The following S100A8 variants were observed in gnomAD, a reference collection of about 807,000 sequenced individuals.
S100A8 encodes protein S100-A8.
In S100A8, 1 loss-of-function variant was observed where a neutral mutation model predicts 4.2. That is an observed-to-expected ratio of 0.24 (90% CI 0.08 to 1.12). S100A8 has a LOEUF of 1.12. Ranked by LOEUF, S100A8 falls within the 50% of genes most tolerant of loss-of-function variation. The probability of loss-of-function intolerance (pLI) is 0.53; values close to 1 mark genes in which losing one functional copy is unlikely to be tolerated. For missense variants in S100A8, 96 were observed against 111.8 expected, an observed-to-expected ratio of 0.86 and a Z score of 0.64; for synonymous variants, 41 against 44.7, an observed-to-expected ratio of 0.92 and a Z score of 0.33.
At chr1:153,409,345 A>G in the S100A8 span, among the ~76,000 whole-genome samples, 1 of 152,228 alleles carries the variant, frequency 6.6e-6, no homozygotes, top group East Asian at 1.9e-4. Flanking sequence ...CTGATAAAAC[A>G]GACTTTAAAC....
At chr1:153,421,796 T>A in the S100A8 span, 2 of 152,242 alleles carry the variant, frequency 1.3e-5, no homozygotes, top group Non-Finnish European at 2.9e-5. Flanking sequence ...CCTCCCTTTA[T>A]TTTTCCAGTT....
At chr1:153,390,648 C>T (rs1644225165) in intron 1 of S100A8, 91 bp from the exon 2 acceptor site, 13 of 1,505,928 alleles carry the variant, frequency 8.6e-6, no homozygotes, top group Middle Eastern at 1.8e-4. Flanking sequence ...CAAGCGATGG[C>T]CTTGTCCTGG....
the S100A8 span, among the ~76,000 whole-genome samples, chr1:153,409,658 A>G: frequency 1.4e-4 from 21 of 152,340 alleles, no homozygotes; most frequent in African/African-American, 4.8e-4. Flanking sequence ...TCAACAGAAT[A>G]TGCATTCTTC....
the S100A8 span, chr1:153,416,403 A>G: frequency 3.6e-6 from 1 of 278,286 alleles, no homozygotes; most frequent in African/African-American, 2.3e-5. Flanking sequence ...GGTGTGTCCC[A>G]CACACCTGAT....
the S100A8 span, among the ~76,000 whole-genome samples, chr1:153,400,266 C>T: frequency 3.3e-5 from 5 of 152,120 alleles, no homozygotes; most frequent in African/African-American, 4.8e-5. Flanking sequence ...AGTAAATCAC[C>T]GACTGCAATG....
chr1:153,406,370 C>A, the S100A8 span, among the ~76,000 whole-genome samples: 1 of 152,060 alleles, frequency 6.6e-6, no homozygotes, highest in Admixed American at 6.6e-5. Flanking sequence ...GAAGGCTTCA[C>A]AGAGAAAGTG....
chr1:153,402,882 T>G, the S100A8 span, among the ~76,000 whole-genome samples: 1 of 152,162 alleles, frequency 6.6e-6, no homozygotes, highest in Non-Finnish European at 1.5e-5. Flanking sequence ...ACAGCTCCGG[T>G]AACTAAGATA....
rs1037323000 is a variant in S100A8, at chr1:153,391,025, A to C, written c.-23+16T>G. On this transcript the variant is annotated intron_variant, in intron 1 of 2. Transcript: ENST00000368733. ...GAAGCCCAAAGTGCGGGGCCAACCC[A>C]GACAGTCCCACTTACCAGGTCTTCT... 1.0e-6 allele frequency: 1 copy of C among 988,042 alleles called. No individual in the cohort carries two copies. Among genetic ancestry groups the C allele is most frequent in the Non-Finnish European group, 1.2e-6 (1 of 831,452 alleles). The allele number at this position is 988,042 out of a possible 1,614,324, so 61.2% of individuals were successfully genotyped here.
At chr1:153,405,212 CA>C in the S100A8 span, among the ~76,000 whole-genome samples, 1 of 152,104 alleles carries the variant, frequency 6.6e-6, no homozygotes, top group South Asian at 2.1e-4. Context: ...ATACATTTCT[CA>C]GGGTACGCTT....
At chr1:153,408,663 GA>G in the S100A8 span, among the ~76,000 whole-genome samples, 1 of 152,058 alleles carries the variant, frequency 6.6e-6, no homozygotes, top group Non-Finnish European at 1.5e-5. Context: ...GCAACTACAA[GA>G]CACATAATTG....
At chr1:153,408,369 G>C in the S100A8 span, among the ~76,000 whole-genome samples, 4 of 152,196 alleles carry the variant, frequency 2.6e-5, no homozygotes, top group South Asian at 2.1e-4. Context: ...CAGGAAGAAA[G>C]GGTAGCAGTG....
At chr1:153,391,609 C>T (rs973257261), upstream of S100A8, among the ~76,000 whole-genome samples, 6 of 152,112 alleles carry the variant, frequency 3.9e-5, no homozygotes, top group Admixed American at 6.5e-5. Flanking sequence ...CTAAAACTAT[C>T]GTTGTTGTTC....
chr1:153,407,416 G>C, the S100A8 span, among the ~76,000 whole-genome samples: 51 of 152,302 alleles, frequency 3.3e-4, no homozygotes, highest in Admixed American at 5.2e-4. Context: ...AGTGAGGCTG[G>C]GGGCAGGGTG....
the S100A8 span, among the ~76,000 whole-genome samples, chr1:153,397,401 G>A: frequency 6.6e-6 from 1 of 152,238 alleles, no homozygotes; most frequent in South Asian, 2.1e-4. Flanking sequence ...CAAGGGAAAG[G>A]ACAAAGCCAG....
At chr1:153,392,427 T>C (rs917565670), upstream of S100A8, among the ~76,000 whole-genome samples, 3 of 152,208 alleles carry the variant, frequency 2.0e-5, no homozygotes, top group Non-Finnish European at 4.4e-5. Context: ...ACGGCAAGTT[T>C]GTTCCTCAAA....
chr1:153,415,873 C>T, the S100A8 span, among the ~76,000 whole-genome samples: 1 of 152,154 alleles, frequency 6.6e-6, no homozygotes, highest in Non-Finnish European at 1.5e-5. Context: ...TAGGGCAGAC[C>T]CTGATGCAAC....
At chr1:153,395,278 T>G (rs1662189991), upstream of S100A8, among the ~76,000 whole-genome samples, 1 of 152,296 alleles carries the variant, frequency 6.6e-6, no homozygotes, top group Admixed American at 6.5e-5. Context: ...TCCCTTAACA[T>G]GTGTCTGTGG....
At chr1:153,418,252 G>A in the S100A8 span, 1 of 1,611,276 alleles carries the variant, frequency 6.2e-7, no homozygotes, top group South Asian at 1.1e-5. Flanking sequence ...TCTCAATGTT[G>A]GTTGGACCCT....
chr1:153,396,710 C>T, the S100A8 span: 3 of 152,288 alleles, frequency 2.0e-5, no homozygotes, highest in Non-Finnish European at 4.4e-5. Context: ...ATCTGGTTGT[C>T]CTTGTTCTTG....
Sources: gnomAD v4.1 joint callset for allele counts (sites outside exome capture counted in the v4.1 genomes callset) on GRCh38, gnomAD v4.1.1 for gene constraint, MANE v1.5 for transcripts, NCBI Gene and HGNC (gene_info 2026-07-23, HGNC 2026-07-21) for gene names.